GABRB1: variants seen among roughly 807,000 people sequenced by gnomAD.
The protein encoded by GABRB1 is gamma-aminobutyric acid receptor subunit beta-1.
In GABRB1, 17 loss-of-function variants were observed where a neutral mutation model predicts 51.6. The observed-to-expected ratio is 0.33, with a 90% CI of 0.23 to 0.49. The LOEUF is 0.49. Among genes scored for constraint, GABRB1 ranks in the 20% least tolerant of loss-of-function variants. The pLI, the probability that GABRB1 is intolerant of heterozygous loss-of-function variation, is 0.99. For missense variants in GABRB1, 410 were observed against 600.6 expected, an observed-to-expected ratio of 0.68 and a Z score of 3.32; for synonymous variants, 247 against 218.9, an observed-to-expected ratio of 1.13 and a Z score of -1.14.
At chr4:47,329,424 CCAATCAAGCCAATAGGA>C (rs972458470) in intron 5 of GABRB1, among the ~76,000 whole-genome samples, 7 of 147,610 alleles carry the variant, frequency 4.7e-5, no homozygotes, top group African/African-American at 1.7e-4. Context: ...TAAAATACAG[CCAATCAAGCCAATAGGA>C]CATATATAGC....
chr4:47,072,192 A>G (rs966271787), intron 3 of GABRB1, among the ~76,000 whole-genome samples: 5 of 152,202 alleles, frequency 3.3e-5, no homozygotes, highest in African/African-American at 1.2e-4. Flanking sequence ...AAGTATATTT[A>G]TTCAATCAAG....
chr4:47,343,821 C>T (rs1022569000), intron 5 of GABRB1, among the ~76,000 whole-genome samples: 20 of 152,188 alleles, frequency 1.3e-4, no homozygotes, highest in Non-Finnish European at 1.3e-4. Context: ...ATCCTCACAA[C>T]CTCTCTATGA....
intron 3 of GABRB1, among the ~76,000 whole-genome samples, chr4:47,103,931 TA>T (rs1271758258): frequency 4.0e-5 from 6 of 151,700 alleles, no homozygotes; most frequent in Non-Finnish European, 5.9e-5. Flanking sequence ...AAAAATAAGA[TA>T]AAAAAATAAA....
At chr4:47,125,445 A>G (rs1287564145) in intron 3 of GABRB1, among the ~76,000 whole-genome samples, 1 of 152,018 alleles carries the variant, frequency 6.6e-6, no homozygotes, top group Non-Finnish European at 1.5e-5. Context: ...ATACTCTAAT[A>G]CAGTAATAAT....
chr4:47,157,579 G>T (rs900851885), intron 3 of GABRB1, among the ~76,000 whole-genome samples: 8 of 152,024 alleles, frequency 5.3e-5, no homozygotes, highest in Admixed American at 5.2e-4. Flanking sequence ...ATCTCACAAG[G>T]TTTGTGTGAG....
chr4:47,367,076 C>G (rs1727007546), intron 5 of GABRB1, among the ~76,000 whole-genome samples: 1 of 152,144 alleles, frequency 6.6e-6, no homozygotes, highest in African/African-American at 2.4e-5. Context: ...TCCTTCCACA[C>G]CTCACTATTA....
In GABRB1 at chr4:47,212,335, G is replaced by T. The variant is rs555342072; in HGVS notation, c.461+50866G>T. Among the ~76,000 whole-genome samples the T allele has an allele frequency of 2.0e-5, 3 of 152,254 alleles. No homozygotes were observed. In the East Asian group the frequency reaches 5.8e-4, roughly 30 times the overall value. On this transcript the variant is annotated intron_variant, in intron 4 of 8. Transcript: ENST00000295454. ...CATGCACTTCAGTCTTCCAGGTGCC[G>T]AGCAAGGGAGGAGAATGGTAAGAGA... is the stretch of plus-strand genomic sequence containing the variant.
intron 3 of GABRB1, among the ~76,000 whole-genome samples, chr4:47,120,341 AAATC>A (rs1230549913): frequency 6.6e-6 from 1 of 152,144 alleles, no homozygotes; most frequent in Non-Finnish European, 1.5e-5. Context: ...TCCAGACAGA[AAATC>A]AACAAGGAAA....
intron 3 of GABRB1, among the ~76,000 whole-genome samples, chr4:47,076,558 G>C (rs1727557874): frequency 6.6e-6 from 1 of 152,066 alleles, no homozygotes; most frequent in Non-Finnish European, 1.5e-5. Flanking sequence ...GCTCCCAGAA[G>C]CTTCTTTCTC....
chr4:47,030,294 A>G (rs963173481), upstream of GABRB1, among the ~76,000 whole-genome samples: 3 of 152,192 alleles, frequency 2.0e-5, no homozygotes, highest in Non-Finnish European at 2.9e-5. Context: ...GTAATGGAAT[A>G]AATTTTTCTA....
chr4:47,250,462 G>A (rs758675653), intron 4 of GABRB1, among the ~76,000 whole-genome samples: 3 of 152,142 alleles, frequency 2.0e-5, no homozygotes, highest in African/African-American at 4.8e-5. Flanking sequence ...AATTTCCCAG[G>A]TGTTCTTTGT....
intron 4 of GABRB1, among the ~76,000 whole-genome samples, chr4:47,258,409 T>G (rs11727759): frequency 0.19 from 29,017 of 152,062 alleles, 2,881 homozygotes; most frequent in East Asian, 0.24. Context: ...CCATTTAACA[T>G]TTAAATATAT....
chr4:47,410,773 T>C (rs1287888482), intron 8 of GABRB1, among the ~76,000 whole-genome samples: 3 of 152,334 alleles, frequency 2.0e-5, no homozygotes, highest in African/African-American at 7.2e-5. Context: ...GGAGTTTGAA[T>C]CCAGCCTGTT....
intron 4 of GABRB1, among the ~76,000 whole-genome samples, chr4:47,180,919 C>A (rs1006798645): frequency 1.3e-5 from 2 of 151,918 alleles, no homozygotes; most frequent in Admixed American, 6.6e-5. Flanking sequence ...AAAATGCATT[C>A]TTTCTATTGT....
intron 4 of GABRB1, among the ~76,000 whole-genome samples, chr4:47,205,940 G>A (rs1350922881): frequency 1.3e-5 from 2 of 151,892 alleles, no homozygotes; most frequent in Admixed American, 6.6e-5. Flanking sequence ...TGCTTAAAAA[G>A]ACTAGTACAA....
chr4:47,006,475 T>C (rs1038194210), intron 1 of GABRB1, among the ~76,000 whole-genome samples: 13 of 152,226 alleles, frequency 8.5e-5, no homozygotes, highest in African/African-American at 3.1e-4. Context: ...ATTGCATCTA[T>C]AATATGTCTT....
chr4:47,072,077 G>T (rs917638196), intron 3 of GABRB1, among the ~76,000 whole-genome samples: 1 of 150,784 alleles, frequency 6.6e-6, no homozygotes, highest in Non-Finnish European at 1.5e-5. Flanking sequence ...GTGATACAAT[G>T]CAAAAAGTCA....
chr4:47,192,112 C>T lies in GABRB1; in HGVS notation c.461+30643C>T, dbSNP rs2109784571. 2.0e-5 allele frequency among the ~76,000 whole-genome samples: 3 copies of T among 152,112 alleles called. No homozygotes were observed. In the East Asian group the frequency reaches 5.8e-4, roughly 29 times the overall value. On this transcript the variant is annotated intron_variant, in intron 4 of 8. Transcript: ENST00000295454. ...AAAACAAAACAAAAAACCCTCAAGC[C>T]TTACCATGCTAGAATCCACATAAGA...
chr4:47,335,412 C>T (rs1429375822), intron 5 of GABRB1, among the ~76,000 whole-genome samples: 1 of 151,840 alleles, frequency 6.6e-6, no homozygotes, highest in Non-Finnish European at 1.5e-5. Context: ...TGGAAATATT[C>T]GGAAGTGTCC....
Sources: gnomAD v4.1 joint callset for allele counts (sites outside exome capture counted in the v4.1 genomes callset) on GRCh38, gnomAD v4.1.1 for gene constraint, MANE v1.5 for transcripts, NCBI Gene and HGNC (gene_info 2026-07-23, HGNC 2026-07-21) for gene names.